ABCC6: variants seen among roughly 807,000 people sequenced by gnomAD.
ABCC6 encodes the protein ATP binding cassette subfamily C member 6, also known as ATP-binding cassette sub-family C member 6.
In ABCC6, 126 loss-of-function variants were observed where a neutral mutation model predicts 169.5. The ratio of observed to expected loss-of-function variants is 0.74; its 90% CI spans 0.64 to 0.86. ABCC6 has a LOEUF of 0.86. ABCC6 is among the 40% of genes least tolerant of loss of function. The pLI is 0.00. For synonymous variants in ABCC6, 752 were observed against 814.7 expected (o/e 0.92, Z 1.31); for missense variants, 1,733 against 1,927.2 (o/e 0.90, Z 1.89).
chr16:16,159,689 T>C (rs1412428632), intron 25 of ABCC6, 106 bp from the exon 26 acceptor site: 15 of 989,314 alleles, frequency 1.5e-5, no homozygotes, highest in Admixed American at 7.9e-5. Flanking sequence ...CCCAGGGGAG[T>C]AAAGAGGGGA....
chr16:16,182,769 G>T, intron 16 of ABCC6, 35 bp downstream of exon 16: 1 of 1,613,244 alleles, frequency 6.2e-7, no homozygotes, highest in Non-Finnish European at 8.5e-7. Context: ...TTCAGGATGG[G>T]GACATCCTAG....
intron 10 of ABCC6, 64 bp downstream of exon 10, chr16:16,197,957 G>GAGGAGGGGGAGA (rs1217761783): frequency 1.3e-6 from 2 of 1,495,894 alleles, no homozygotes; most frequent in African/African-American, 2.8e-5. Context: ...GAGGGGGAAG[G>GAGGAGGGGGAGA]AGGAGGGGGA....
intron 24 of ABCC6, 93 bp from the exon 25 acceptor site, chr16:16,161,657 G>A: frequency 6.4e-7 from 1 of 1,551,434 alleles, no homozygotes; most frequent in Non-Finnish European, 8.8e-7. Context: ...CACCAGCTTT[G>A]TACACACAGG....
rs368017088 is a variant in ABCC6, at chr16:16,190,280, C to A, written c.1519G>T (p.Glu507Ter). The A allele has an allele frequency of 5.6e-6, 9 of 1,614,124 alleles. No homozygotes were observed. Among genetic ancestry groups the A allele is most frequent in the Non-Finnish European group, 7.6e-6 (9 of 1,180,028 alleles). ...NSKTIKFHGW[E>*]GAFLDRVLGI... ...AGGACTCTGTCCAGAAAGGCTCCCTCCCAGCCATGGAACTTGATGGTCTTC... is the reference window on the plus strand; with the variant it reads ...AGGACTCTGTCCAGAAAGGCTCCCTACCAGCCATGGAACTTGATGGTCTTC... The change falls in exon 12 of 31, where the codon GAG becomes TAG. Residue 507 changes from glutamate to a stop codon, truncating the protein, a stop_gained. Transcript: ENST00000205557. LOFTEE classifies it high-confidence loss of function.
Position 16,198,114 on chromosome 16 carries a change from C to A in ABCC6, c.1245G>T (p.Val415=). 6.2e-7 allele frequency: 1 copy of A among 1,611,904 alleles called. No homozygotes were observed. Among genetic ancestry groups the A allele is most frequent in the Non-Finnish European group, 8.5e-7 (1 of 1,178,960 alleles). ...CGCTCTCGGTCAGCCGCTGCACGTC[C>A]ACGGACACCAGATTGACCACATCAC... is the stretch of plus-strand genomic sequence containing the variant. ...AVGDVVNLVS[V]DVQRLTESVL... The change falls in exon 10 of 31, where the codon GTG becomes GTT. Residue 415 remains valine, a synonymous_variant. Coordinates refer to ENST00000205557, the MANE Select transcript of ABCC6 (RefSeq NM_001171.6).
chr16:16,158,705 A>G (rs1314813449), intron 26 of ABCC6, among the ~76,000 whole-genome samples: 2 of 152,098 alleles, frequency 1.3e-5, no homozygotes, highest in African/African-American at 4.8e-5. Context: ...TCATGTTACT[A>G]TAATGTTGCT....
At position 16,177,506 on chromosome 16, in the gene ABCC6, C is replaced by G. The variant is rs754730506; in HGVS notation, c.2536G>C (p.Ala846Pro). Residue 846 changes from alanine (A) to proline (P), a missense_variant, in exon 19 of 31, where the codon GCC becomes CCC. Transcript: ENST00000205557. The part of the protein sequence containing the change: ...SYQELLQRKG[A>P]LMCLLDQARQ... Reference sequence around the variant, plus strand: ...GCTTGATCCAGAAGACACATGAGGGCCCCCTTCCTCTGCAGAAGCTCCTGG... The same window carrying G: ...GCTTGATCCAGAAGACACATGAGGGGCCCCTTCCTCTGCAGAAGCTCCTGG... The G allele has an allele frequency of 3.1e-6, 5 of 1,613,536 alleles. No homozygotes were observed. Among genetic ancestry groups the G allele is most frequent in the Non-Finnish European group, 4.2e-6 (5 of 1,179,552 alleles).
Position 16,154,988 on chromosome 16 carries a change from G to A in ABCC6, c.3926C>T (p.Ala1309Val). 1.3e-6 allele frequency: 2 copies of A among 1,570,684 alleles called. No homozygotes were observed. Among genetic ancestry groups the A allele is most frequent in the Non-Finnish European group, 8.6e-7 (1 of 1,158,320 alleles). ...GRTGAGKSSL[A>V]SGLLRLQEAA... The stretch of plus-strand genomic sequence containing the variant: ...CTCCTGGAGCCGCAGCAGCCCACTG[G>A]CCAGGGAGGACTTCCCTGCCCCGGT... Residue 1309 changes from alanine to valine, a missense_variant, in exon 28 of 31, where the codon GCC (alanine) becomes GTC (valine). Ala to Val is a moderately conservative substitution (Grantham distance 64, BLOSUM62 0). Transcript: ENST00000205557.
rs907034354 is a variant in ABCC6 at position 16,187,223 on chromosome 16, G to A, written c.1780-12C>T. On this transcript the variant is annotated splice_polypyrimidine_tract_variant and intron_variant, in intron 13 of 30. Transcript: ENST00000205557. Reference sequence around the variant, plus strand: ...AAGGACACCCGGGCCTAGGAAAACCGAAGCCGCAGGTCACCCAGCAAGAAG... The same window carrying A: ...AAGGACACCCGGGCCTAGGAAAACCAAAGCCGCAGGTCACCCAGCAAGAAG... 7 of 1,610,508 alleles carry A rather than the reference G, an allele frequency of 4.3e-6. No individual in the cohort carries two copies. The highest frequency in any genetic ancestry group is 1.7e-5 in the Admixed American group (1 of 59,722).
intron 7 of ABCC6, among the ~76,000 whole-genome samples, chr16:16,204,876 C>T (rs918482188): frequency 2.0e-5 from 3 of 150,378 alleles, no homozygotes; most frequent in Admixed American, 1.3e-4. Flanking sequence ...GCTCTTGTCG[C>T]CCAGGCTGGA....
Position 16,155,007 on chromosome 16 carries a change from C to T in ABCC6, c.3907G>A (p.Ala1303Thr), listed in dbSNP as rs63750410. ...CCACTGGCCAGGGAGGACTTCCCTG[C>T]CCCGGTCCTGCCAACGATGCCCACC... Reference protein sequence around the residue: ...EKVGIVGRTGAGKSSLASGLL... With the variant: ...EKVGIVGRTGTGKSSLASGLL... The change falls in exon 28 of 31, where the codon GCA becomes ACA. Residue 1303 changes from alanine to threonine, a missense_variant. Coordinates refer to ENST00000205557, the MANE Select transcript of ABCC6 (RefSeq NM_001171.6). 5.1e-6 allele frequency: 8 copies of T among 1,562,602 alleles called. No homozygotes were observed. The East Asian group carries it at 1.2e-4, about 23-fold the overall frequency.
intron 17 of ABCC6, among the ~76,000 whole-genome samples, chr16:16,181,333 A>T (rs558862238): frequency 7.4e-6 from 1 of 135,004 alleles, no homozygotes; most frequent in East Asian, 2.2e-4. Flanking sequence ...ACAGAGCGAG[A>T]CTCCGTCTCA....
chr16:16,189,676 C>G (rs1405382148), intron 12 of ABCC6, among the ~76,000 whole-genome samples: 1 of 152,136 alleles, frequency 6.6e-6, no homozygotes, highest in Non-Finnish European at 1.5e-5. Flanking sequence ...CCTCGGCCTC[C>G]CAAAGTATTG....
intron 29 of ABCC6, among the ~76,000 whole-genome samples, chr16:16,153,823 G>C (rs1008455050): frequency 6.6e-6 from 1 of 150,664 alleles, no homozygotes; most frequent in African/African-American, 2.4e-5. Flanking sequence ...AGGAATGCTT[G>C]AGCCTGGGAG....
At chr16:16,202,533 A>G (rs967205250) in intron 8 of ABCC6, among the ~76,000 whole-genome samples, 2 of 150,228 alleles carry the variant, frequency 1.3e-5, no homozygotes, top group African/African-American at 5.0e-5. Context: ...TGAAGTTAAA[A>G]ATGAGGTCAT....
chr16:16,204,634 C>G (rs2376789), intron 7 of ABCC6, among the ~76,000 whole-genome samples: 14 of 152,084 alleles, frequency 9.2e-5, no homozygotes, highest in South Asian at 4.2e-4. Flanking sequence ...GCCCGAGGGC[C>G]CCTGTGAGGC....
Position 16,202,041 on chromosome 16 carries a change from A to G in ABCC6, c.1136T>C (p.Met379Thr). 1 of 1,613,956 alleles carries G rather than the reference A, an allele frequency of 6.2e-7. No homozygotes were observed. Among genetic ancestry groups the G allele is most frequent in the South Asian group, 1.1e-5 (1 of 91,072 alleles). The change falls in exon 9 of 31, where the codon ATG becomes ACG. Residue 379 changes from methionine to threonine, a missense_variant. Transcript: ENST00000205557. Reference protein sequence around the residue: ...QNMYRLKVLQMRLRSAITGLV... With the variant: ...QNMYRLKVLQTRLRSAITGLV... ...GCCAGTGATGGCCGACCGCAACCTCATCTGCAGCACCTTGAGCCTGTACAT... is the reference window on the plus strand; with the variant it reads ...GCCAGTGATGGCCGACCGCAACCTCGTCTGCAGCACCTTGAGCCTGTACAT...
At chr16:16,197,888 G>A in intron 10 of ABCC6, 133 bp downstream of exon 10, 2 of 1,075,018 alleles carry the variant, frequency 1.9e-6, no homozygotes, top group Non-Finnish European at 2.7e-6. Flanking sequence ...CCCTAACCCT[G>A]GGGTCACAGC....
chr16:16,203,629 A>T lies in ABCC6; in HGVS notation c.795-16T>A, dbSNP rs371484158. The T allele has an allele frequency of 4.8e-5, 77 of 1,613,514 alleles. No homozygotes were observed. Among genetic ancestry groups the T allele is most frequent in the Admixed American group, 8.3e-5 (5 of 59,976 alleles). On this transcript the variant is annotated splice_polypyrimidine_tract_variant and intron_variant, in intron 7 of 30. Coordinates refer to ENST00000205557, the MANE Select transcript of ABCC6 (RefSeq NM_001171.6). The stretch of plus-strand genomic sequence containing the variant: ...CTTGTTGTGCCTGAGGGGAAGGGAG[A>T]GATTAGCTCTGGGTCCCATTTTATA...
Sources: allele counts gnomAD v4.1 joint callset (sites outside exome capture counted in the v4.1 genomes callset), GRCh38; gene constraint gnomAD v4.1.1; transcripts MANE v1.5; gene names NCBI Gene and HGNC (gene_info 2026-07-23, HGNC 2026-07-21).